Variants in ALPK1 observed in about 807,000 individuals in gnomAD.
ALPK1 encodes the protein alpha kinase 1, also known as alpha-protein kinase 1.
Under a neutral mutation model 120.6 loss-of-function variants are expected in ALPK1, and 110 were observed. The ratio of observed to expected loss-of-function variants is 0.91; its 90% CI spans 0.78 to 1.07. The LOEUF is 1.07. Among genes scored for constraint, ALPK1 ranks in the 50% least tolerant of loss-of-function variants. ALPK1 has a pLI of 0.00. For synonymous variants in ALPK1, 582 were observed against 560.3 expected, an observed-to-expected ratio of 1.04 and a Z score of -0.55; for missense variants, 1,498 against 1,483.9, an observed-to-expected ratio of 1.01 and a Z score of -0.16.
At chr4:112,360,513 A>G (rs990639757) in intron 2 of ALPK1, among the ~76,000 whole-genome samples, 1 of 152,200 alleles carries the variant, frequency 6.6e-6, no homozygotes, top group East Asian at 1.9e-4. Context: ...TAATGCTGCA[A>G]TGAATATGGG....
chr4:112,345,169 C>T (rs1315213397), intron 2 of ALPK1, among the ~76,000 whole-genome samples: 2 of 152,204 alleles, frequency 1.3e-5, no homozygotes, highest in African/African-American at 2.4e-5. Context: ...AGGGGGCGTG[C>T]TTCTCGTGTT....
chr4:112,412,651 A>G (rs770618662), intron 5 of ALPK1, among the ~76,000 whole-genome samples: 4 of 152,196 alleles, frequency 2.6e-5, no homozygotes, highest in Non-Finnish European at 4.4e-5. Context: ...GTCCACTTCC[A>G]TAGAATTCTT....
intron 1 of ALPK1, among the ~76,000 whole-genome samples, chr4:112,301,713 G>A (rs1020366411): frequency 1.3e-5 from 2 of 152,086 alleles, no homozygotes; most frequent in Non-Finnish European, 2.9e-5. Context: ...AGAAGATACC[G>A]TATATTCTGT....
At chr4:112,305,281 G>C (rs1295447217) in intron 1 of ALPK1, among the ~76,000 whole-genome samples, 1 of 151,924 alleles carries the variant, frequency 6.6e-6, no homozygotes, top group African/African-American at 2.4e-5. Context: ...TTCCAATTCT[G>C]TGAAGAAAGT....
chr4:112,419,887 G>A (rs1018921258), intron 5 of ALPK1, among the ~76,000 whole-genome samples: 1 of 152,160 alleles, frequency 6.6e-6, no homozygotes, highest in Non-Finnish European at 1.5e-5. Context: ...AGACAATAGA[G>A]TGCTTAGATA....
intron 2 of ALPK1, among the ~76,000 whole-genome samples, chr4:112,365,051 A>G (rs1175918818): frequency 6.6e-6 from 1 of 152,212 alleles, no homozygotes; most frequent in African/African-American, 2.4e-5. Flanking sequence ...TAGAAAGGCC[A>G]TACCTTAAGG....
At chr4:112,338,471 A>G (rs1729722063) in intron 2 of ALPK1, among the ~76,000 whole-genome samples, 2 of 152,234 alleles carry the variant, frequency 1.3e-5, no homozygotes, top group South Asian at 4.1e-4. Flanking sequence ...GGAAAAGTCT[A>G]TACTTTTTTT....
At chr4:112,334,299 G>A (rs1239314267) in intron 2 of ALPK1, among the ~76,000 whole-genome samples, 1 of 152,020 alleles carries the variant, frequency 6.6e-6, no homozygotes, top group African/African-American at 2.4e-5. Context: ...CAGGTGTGGT[G>A]GCATGCGCCT....
At chr4:112,395,949 C>T (rs1671031472) in intron 4 of ALPK1, among the ~76,000 whole-genome samples, 1 of 152,126 alleles carries the variant, frequency 6.6e-6, no homozygotes, top group African/African-American at 2.4e-5. Context: ...TTGCATGTTT[C>T]TGCAAGTTAA....
At chr4:112,314,425 C>T (rs143517822) in intron 1 of ALPK1, among the ~76,000 whole-genome samples, 13 of 152,158 alleles carry the variant, frequency 8.5e-5, no homozygotes, top group South Asian at 2.1e-4. Flanking sequence ...GAGAGAGATT[C>T]GTGAATTTGA....
intron 2 of ALPK1, chr4:112,316,335 CAT>C (rs1728634072): frequency 6.6e-6 from 1 of 152,212 alleles, no homozygotes; most frequent in Admixed American, 6.5e-5. Context: ...AAGGTTCATC[CAT>C]ATGTCAGAAT....
At chr4:112,359,589 C>T (rs1246637014) in intron 2 of ALPK1, 5 of 249,458 alleles carry the variant, frequency 2.0e-5, no homozygotes, top group Admixed American at 4.6e-5. Context: ...CCAACCAGAC[C>T]GCTCATGGTG....
intron 2 of ALPK1, among the ~76,000 whole-genome samples, chr4:112,345,206 A>G (rs1730052863): frequency 6.6e-6 from 1 of 152,160 alleles, no homozygotes. Context: ...ATTTACCCAT[A>G]CTAATGGCTT....
At chr4:112,340,459 CTTAAA>C (rs1252102934) in intron 2 of ALPK1, among the ~76,000 whole-genome samples, 1 of 152,132 alleles carries the variant, frequency 6.6e-6, no homozygotes. Context: ...CGTATTTATA[CTTAAA>C]TTAAATTTCA....
intron 4 of ALPK1, among the ~76,000 whole-genome samples, chr4:112,395,663 T>G (rs1427160395): frequency 6.6e-6 from 1 of 152,254 alleles, no homozygotes; most frequent in African/African-American, 2.4e-5. Context: ...CATGAGAAAC[T>G]TTTTGTTCAT....
chr4:112,399,757 C>T (rs1732824591), intron 4 of ALPK1, among the ~76,000 whole-genome samples: 1 of 152,076 alleles, frequency 6.6e-6, no homozygotes, highest in Non-Finnish European at 1.5e-5. Flanking sequence ...TTGTCCTCCA[C>T]CCCTCTACAG....
intron 4 of ALPK1, among the ~76,000 whole-genome samples, chr4:112,392,067 C>T (rs778139374): frequency 1.3e-5 from 2 of 152,148 alleles, no homozygotes; most frequent in Non-Finnish European, 2.9e-5. Flanking sequence ...TTATTTTATT[C>T]TTAAACATAA....
intron 4 of ALPK1, among the ~76,000 whole-genome samples, chr4:112,390,247 C>T (rs1464424204): frequency 3.9e-5 from 6 of 152,222 alleles, no homozygotes; most frequent in Non-Finnish European, 7.3e-5. Context: ...ATGCACATAG[C>T]TGCTCTCCAT....
chr4:112,309,556 G>T (rs1311558246), intron 1 of ALPK1, among the ~76,000 whole-genome samples: 1 of 152,092 alleles, frequency 6.6e-6, no homozygotes, highest in East Asian at 1.9e-4. Flanking sequence ...CCAGGCGTGG[G>T]ATATAATCTC....
Sources: gnomAD v4.1 joint callset for allele counts (sites outside exome capture counted in the v4.1 genomes callset) on GRCh38, gnomAD v4.1.1 for gene constraint, MANE v1.5 for transcripts, NCBI Gene and HGNC (gene_info 2026-07-23, HGNC 2026-07-21) for gene names.